RUNX2: variants seen among roughly 807,000 people sequenced by gnomAD.
RUNX2 encodes the protein RUNX family transcription factor 2.
A neutral mutation model predicts 51.7 loss-of-function variants in RUNX2; 10 were observed. The ratio of observed to expected loss-of-function variants is 0.19; its 90% CI spans 0.12 to 0.33. The LOEUF (loss-of-function observed/expected upper bound fraction) is 0.33. RUNX2 is among the 10% of genes least tolerant of loss of function. The pLI, the probability that RUNX2 is intolerant of heterozygous loss-of-function variation, is 1.00. For synonymous variants in RUNX2, 276 were observed against 273.6 expected (o/e 1.01, Z -0.09); for missense variants, 562 against 691.3 (o/e 0.81, Z 2.10).
At chr6:45,392,189 A>G (rs1203509267) in intron 2 of RUNX2, among the ~76,000 whole-genome samples, 2 of 152,152 alleles carry the variant, frequency 1.3e-5, no homozygotes, top group Non-Finnish European at 1.5e-5. Context: ...AGCTAATAGA[A>G]CATTTTATTT....
intron 5 of RUNX2, among the ~76,000 whole-genome samples, chr6:45,468,588 A>G (rs1017220875): frequency 1.1e-4 from 17 of 152,348 alleles, no homozygotes; most frequent in African/African-American, 4.1e-4. Context: ...TTTGGTTTCT[A>G]GATGGTTTTA....
At chr6:45,535,957 G>A (rs907912692) in intron 7 of RUNX2, among the ~76,000 whole-genome samples, 3 of 152,004 alleles carry the variant, frequency 2.0e-5, no homozygotes, top group African/African-American at 7.2e-5. Flanking sequence ...TGTTGCTCTT[G>A]CAAATGTTTG....
chr6:45,334,856 TA>T (rs1235948901), intron 2 of RUNX2, among the ~76,000 whole-genome samples: 3 of 151,230 alleles, frequency 2.0e-5, no homozygotes, highest in Non-Finnish European at 4.5e-5. Context: ...TGTCAATCTA[TA>T]AAACCAGTAA....
At chr6:45,405,861 G>T (rs1162439538) in intron 2 of RUNX2, among the ~76,000 whole-genome samples, 1 of 152,074 alleles carries the variant, frequency 6.6e-6, no homozygotes, top group African/African-American at 2.4e-5. Context: ...GGTAGAATGG[G>T]TTCACATCTA....
At chr6:45,403,429 C>T (rs7749637) in intron 2 of RUNX2, among the ~76,000 whole-genome samples, 53,046 of 151,706 alleles carry the variant, frequency 0.35, 9,513 homozygotes, top group African/African-American at 0.39. Context: ...GACCGGGTTT[C>T]TCCATGTTGG....
intron 2 of RUNX2, among the ~76,000 whole-genome samples, chr6:45,372,951 G>A (rs1181816499): frequency 6.6e-6 from 1 of 152,122 alleles, no homozygotes; most frequent in Non-Finnish European, 1.5e-5. Context: ...CCAAGTAGCA[G>A]GTGCACGCCA....
chr6:45,348,101 C>A (rs752204099), intron 2 of RUNX2, among the ~76,000 whole-genome samples: 6 of 151,718 alleles, frequency 4.0e-5, no homozygotes, highest in Non-Finnish European at 8.8e-5. Flanking sequence ...ATAGTTTTTA[C>A]GTTAAAAGCA....
At chr6:45,504,390 G>T (rs1363922386) in intron 6 of RUNX2, among the ~76,000 whole-genome samples, 1 of 152,188 alleles carries the variant, frequency 6.6e-6, no homozygotes, top group African/African-American at 2.4e-5. Flanking sequence ...CCATGTTACA[G>T]GTGAAAACAG....
chr6:45,533,123 C>A (rs1219379476), intron 7 of RUNX2, among the ~76,000 whole-genome samples: 1 of 139,068 alleles, frequency 7.2e-6, no homozygotes, highest in South Asian at 2.2e-4. Flanking sequence ...GAAGATGAAA[C>A]CCCTCTGAAG....
chr6:45,444,144 C>T (rs1798925192), intron 5 of RUNX2, among the ~76,000 whole-genome samples: 1 of 152,228 alleles, frequency 6.6e-6, no homozygotes, highest in Admixed American at 6.5e-5. Context: ...GCCACTGCGC[C>T]TGGCCAAGAT....
chr6:45,382,939 T>A (rs1797272150), intron 2 of RUNX2, among the ~76,000 whole-genome samples: 1 of 152,098 alleles, frequency 6.6e-6, no homozygotes, highest in South Asian at 2.1e-4. Context: ...GGATTTAGGG[T>A]TCTAGAGAAA....
chr6:45,501,849 C>G (rs1397028979), intron 6 of RUNX2, among the ~76,000 whole-genome samples: 1 of 152,166 alleles, frequency 6.6e-6, no homozygotes, highest in African/African-American at 2.4e-5. Context: ...GCAAGCAAGT[C>G]AACACCAACA....
chr6:45,369,558 C>T (rs1162748772), intron 2 of RUNX2, among the ~76,000 whole-genome samples: 3 of 152,062 alleles, frequency 2.0e-5, no homozygotes, highest in Non-Finnish European at 4.4e-5. Flanking sequence ...GTCATTCCCT[C>T]CACTCTCCTC....
chr6:45,522,507 A>C (rs868577554), intron 7 of RUNX2, among the ~76,000 whole-genome samples: 1 of 152,056 alleles, frequency 6.6e-6, no homozygotes, highest in Non-Finnish European at 1.5e-5. Context: ...TTACGTTTTC[A>C]ACTTTTAAAA....
intron 5 of RUNX2, among the ~76,000 whole-genome samples, chr6:45,474,328 G>T (rs1799891016): frequency 6.6e-6 from 1 of 151,632 alleles, no homozygotes; most frequent in African/African-American, 2.4e-5. Context: ...AACTAAGTTA[G>T]GAAAAGATAT....
At chr6:45,443,863 G>GT (rs1434803345) in intron 5 of RUNX2, among the ~76,000 whole-genome samples, 5 of 151,696 alleles carry the variant, frequency 3.3e-5, no homozygotes, top group African/African-American at 4.8e-5. Context: ...AAGATTAGAG[G>GT]TTTTTTTTCA....
At chr6:45,371,978 C>T (rs2150312807) in intron 2 of RUNX2, 1 of 851,932 alleles carries the variant, frequency 1.2e-6, no homozygotes, top group South Asian at 5.4e-5. Flanking sequence ...ACTGAGGTCC[C>T]CCGACACCTG....
chr6:45,407,173 T>G (rs1386080431), intron 2 of RUNX2, among the ~76,000 whole-genome samples: 3 of 151,874 alleles, frequency 2.0e-5, no homozygotes, highest in Non-Finnish European at 4.4e-5. Context: ...GTGCAATCTC[T>G]GCTCACTGCA....
At chr6:45,378,996 T>A (rs956319177) in intron 2 of RUNX2, among the ~76,000 whole-genome samples, 1 of 152,240 alleles carries the variant, frequency 6.6e-6, no homozygotes, top group Non-Finnish European at 1.5e-5. Flanking sequence ...TTTTTAAGCA[T>A]CACTGCTTCA....
Sources: allele counts gnomAD v4.1 joint callset (sites outside exome capture counted in the v4.1 genomes callset), GRCh38; gene constraint gnomAD v4.1.1; transcripts MANE v1.5; gene names NCBI Gene and HGNC (gene_info 2026-07-23, HGNC 2026-07-21).